DACH1: variants seen among roughly 807,000 people sequenced by gnomAD.
DACH1 encodes the protein dachshund homolog 1.
A neutral mutation model predicts 54.2 loss-of-function variants in DACH1; 12 were observed. That is an observed-to-expected ratio of 0.22 (90% CI 0.14 to 0.36). The LOEUF is 0.36. Among genes scored for constraint, DACH1 ranks in the 10% least tolerant of loss-of-function variants. The pLI, the probability that DACH1 is intolerant of heterozygous loss-of-function variation, is 1.00. For synonymous variants in DACH1, 386 were observed against 366.2 expected (o/e 1.05, Z -0.62); for missense variants, 805 against 929.8 (o/e 0.87, Z 1.75).
At chr13:71,694,357 C>T (rs1881705463) in intron 1 of DACH1, among the ~76,000 whole-genome samples, 1 of 152,046 alleles carries the variant, frequency 6.6e-6, no homozygotes, top group Non-Finnish European at 1.5e-5. Flanking sequence ...GTGAGGATTC[C>T]AGGCCTATGA....
intron 5 of DACH1, among the ~76,000 whole-genome samples, chr13:71,559,105 T>C (rs1196168118): frequency 6.6e-6 from 1 of 152,118 alleles, no homozygotes; most frequent in Non-Finnish European, 1.5e-5. Context: ...GAGATTATTG[T>C]ACAGACACAA....
chr13:71,824,240 G>C (rs1925390), intron 1 of DACH1, among the ~76,000 whole-genome samples: 108,212 of 151,512 alleles, frequency 0.71, 38,734 homozygotes, highest in Admixed American at 0.77. Context: ...ATTATTATTG[G>C]TATTATTATT....
intron 1 of DACH1, among the ~76,000 whole-genome samples, chr13:71,846,652 T>G (rs1056477368): frequency 6.6e-6 from 1 of 152,158 alleles, no homozygotes; most frequent in Admixed American, 6.5e-5. Flanking sequence ...GATAGATAGA[T>G]AGTCTTTGGT....
At chr13:71,724,442 C>CA (rs778583996) in intron 1 of DACH1, among the ~76,000 whole-genome samples, 2 of 152,008 alleles carry the variant, frequency 1.3e-5, no homozygotes, top group Non-Finnish European at 2.9e-5. Context: ...CAATGCATGC[C>CA]AATTTAAATC....
intron 6 of DACH1, among the ~76,000 whole-genome samples, chr13:71,511,180 C>T (rs1012939438): frequency 5.3e-5 from 8 of 151,896 alleles, no homozygotes; most frequent in African/African-American, 1.9e-4. Context: ...ACACATGACA[C>T]GCATGTGAGT....
rs532577415 is a variant in DACH1 at position 71,707,195 on chromosome 13, T to C, written c.849-25285A>G. ...ATACACATGCAGTAAGCATGCTGTGTAAATGCAACATAATAAAGATGTGAA... is the reference window on the plus strand; with the variant it reads ...ATACACATGCAGTAAGCATGCTGTGCAAATGCAACATAATAAAGATGTGAA... On this transcript the variant is annotated intron_variant, in intron 1 of 10. Coordinates refer to ENST00000613252, the MANE Select transcript of DACH1 (RefSeq NM_080759.6). Among the ~76,000 whole-genome samples, 12 of 152,336 alleles carry C rather than the reference T, an allele frequency of 7.9e-5. No individual in the cohort carries two copies. In the South Asian group the frequency reaches 2.5e-3, roughly 32 times the overall value.
intron 6 of DACH1, among the ~76,000 whole-genome samples, chr13:71,514,136 T>C (rs1880985102): frequency 6.6e-6 from 1 of 152,044 alleles, no homozygotes; most frequent in Admixed American, 6.6e-5. Flanking sequence ...ATAAGCTCCT[T>C]TGATCACTTG....
chr13:71,557,213 A>G (rs1884312244), intron 5 of DACH1, 55 bp from the exon 6 acceptor site: 3 of 1,518,482 alleles, frequency 2.0e-6, no homozygotes, highest in Admixed American at 4.1e-5. Flanking sequence ...ACCATAACAC[A>G]CAAGGTTCCA....
intron 1 of DACH1, among the ~76,000 whole-genome samples, chr13:71,771,926 A>G (rs763536436): frequency 2.0e-5 from 3 of 151,498 alleles, no homozygotes; most frequent in African/African-American, 7.2e-5. Context: ...TTAAAAGTCC[A>G]AGAGAATCAT....
At chr13:71,554,956 C>T (rs1884143578) in intron 6 of DACH1, among the ~76,000 whole-genome samples, 1 of 152,134 alleles carries the variant, frequency 6.6e-6, no homozygotes, top group African/African-American at 2.4e-5. Context: ...ACCAAAAATT[C>T]TAGTGAGATT....
intron 4 of DACH1, among the ~76,000 whole-genome samples, chr13:71,564,652 A>G (rs775188374): frequency 1.3e-5 from 2 of 152,148 alleles, no homozygotes; most frequent in Non-Finnish European, 2.9e-5. Flanking sequence ...TAAAATGTTC[A>G]GTACTACACA....
chr13:71,672,797 G>T (rs576244810), intron 2 of DACH1, among the ~76,000 whole-genome samples: 2 of 152,180 alleles, frequency 1.3e-5, no homozygotes, highest in South Asian at 4.1e-4. Flanking sequence ...GTAACCAAGG[G>T]ATTAGAACAC....
chr13:71,453,113 G>A (rs1271812464), intron 10 of DACH1, among the ~76,000 whole-genome samples: 1 of 152,130 alleles, frequency 6.6e-6, no homozygotes, highest in African/African-American at 2.4e-5. Flanking sequence ...AAGTGAGAAT[G>A]GGGTACTTTG....
intron 6 of DACH1, among the ~76,000 whole-genome samples, chr13:71,552,605 T>C (rs894941119): frequency 7.3e-5 from 11 of 151,162 alleles, no homozygotes; most frequent in Non-Finnish European, 4.4e-5. Context: ...CAGAGAGCTC[T>C]AGCATCAAGA....
intron 6 of DACH1, among the ~76,000 whole-genome samples, chr13:71,540,785 CA>C (rs770696213): frequency 1.3e-5 from 2 of 151,816 alleles, no homozygotes; most frequent in Non-Finnish European, 2.9e-5. Flanking sequence ...TAGTCTATGA[CA>C]AAAATATCAC....
At chr13:71,474,230 C>T (rs985697998) in intron 10 of DACH1, among the ~76,000 whole-genome samples, 9 of 152,036 alleles carry the variant, frequency 5.9e-5, no homozygotes, top group African/African-American at 2.2e-4. Flanking sequence ...TGATAGTTTA[C>T]AAAAGTATAT....
At chr13:71,676,980 A>T (rs150189059) in intron 2 of DACH1, among the ~76,000 whole-genome samples, 1 of 152,312 alleles carries the variant, frequency 6.6e-6, no homozygotes, top group African/African-American at 2.4e-5. Flanking sequence ...TAATTTTTAT[A>T]TGTCAAAGGC....
chr13:71,732,748 A>G (rs562664734), intron 1 of DACH1, among the ~76,000 whole-genome samples: 6 of 152,300 alleles, frequency 3.9e-5, no homozygotes, highest in African/African-American at 1.4e-4. Flanking sequence ...ATTTCACACT[A>G]TAATGGCAAA....
intron 6 of DACH1, among the ~76,000 whole-genome samples, chr13:71,548,542 C>A (rs924420979): frequency 2.0e-5 from 3 of 152,072 alleles, no homozygotes; most frequent in African/African-American, 7.2e-5. Context: ...ACATAGCTGT[C>A]CATTTACAAA....
Sources: gnomAD v4.1 joint callset for allele counts (sites outside exome capture counted in the v4.1 genomes callset) on GRCh38, gnomAD v4.1.1 for gene constraint, MANE v1.5 for transcripts, NCBI Gene and HGNC (gene_info 2026-07-23, HGNC 2026-07-21) for gene names.